DAPK1: variants seen among roughly 807,000 people sequenced by gnomAD.
DAPK1 encodes the protein death associated protein kinase 1, also known as death-associated protein kinase 1.
A neutral mutation model predicts 144.9 loss-of-function variants in DAPK1; 56 were observed. The observed-to-expected ratio is 0.39, with a 90% CI of 0.31 to 0.48. The LOEUF (loss-of-function observed/expected upper bound fraction) is 0.48, where lower values mean the gene tolerates loss of function less well. Among genes scored for constraint, DAPK1 ranks in the 20% least tolerant of loss-of-function variants. DAPK1 has a pLI of 0.95. For missense variants in DAPK1, 1,454 were observed against 1,875.4 expected (o/e 0.78, Z 4.15); for synonymous variants, 690 against 749.0 (o/e 0.92, Z 1.29).
intron 2 of DAPK1, among the ~76,000 whole-genome samples, chr9:87,526,881 T>C (rs1384730300): frequency 6.6e-6 from 1 of 152,204 alleles, no homozygotes; most frequent in East Asian, 1.9e-4. Context: ...TAAGGACTTC[T>C]CTGAAAACTC....
chr9:87,643,875 GC>G (rs1830181974), intron 11 of DAPK1, among the ~76,000 whole-genome samples: 1 of 152,126 alleles, frequency 6.6e-6, no homozygotes, highest in Non-Finnish European at 1.5e-5. Context: ...ATGAACTGTA[GC>G]CACTGACATA....
intron 3 of DAPK1, among the ~76,000 whole-genome samples, chr9:87,610,508 C>G (rs998596263): frequency 2.0e-5 from 3 of 152,228 alleles, no homozygotes; most frequent in African/African-American, 7.2e-5. Context: ...CCTCAGCAGC[C>G]CTGGCTTCTA....
At chr9:87,505,226 A>T (rs1824540912) in intron 2 of DAPK1, among the ~76,000 whole-genome samples, 1 of 152,232 alleles carries the variant, frequency 6.6e-6, no homozygotes, top group Non-Finnish European at 1.5e-5. Flanking sequence ...AACTGCCATG[A>T]GTACCTAACA....
At position 87,528,990 on chromosome 9, in the gene DAPK1, A is replaced by C. The variant is rs1056393282; in HGVS notation, c.62+29851A>C. ...TCAACTGGTAAGGGAAGAATGCTTCAAGGGAGCCATGTGTATGACTCCAGT... is the reference window on the plus strand; with the variant it reads ...TCAACTGGTAAGGGAAGAATGCTTCCAGGGAGCCATGTGTATGACTCCAGT... On this transcript the variant is annotated intron_variant, in intron 2 of 25. Coordinates refer to ENST00000408954, the MANE Select transcript of DAPK1 (RefSeq NM_004938.4). Among the ~76,000 whole-genome samples the C allele has an allele frequency of 5.9e-5, 9 of 152,106 alleles. No homozygotes were observed. In the East Asian group the frequency reaches 1.5e-3, roughly 26 times the overall value.
chr9:87,596,063 G>T (rs1828305810), intron 2 of DAPK1, among the ~76,000 whole-genome samples: 1 of 152,024 alleles, frequency 6.6e-6, no homozygotes, highest in African/African-American at 2.4e-5. Flanking sequence ...GGCAGAAAGA[G>T]AATAACTCCA....
chr9:87,558,244 A>G (rs1826788355), intron 2 of DAPK1, among the ~76,000 whole-genome samples: 1 of 152,096 alleles, frequency 6.6e-6, no homozygotes, highest in South Asian at 2.1e-4. Context: ...CACAGTGGGT[A>G]TGCATCTTGG....
intron 2 of DAPK1, among the ~76,000 whole-genome samples, chr9:87,586,171 C>G (rs181706672): frequency 6.6e-6 from 1 of 152,134 alleles, no homozygotes; most frequent in African/African-American, 2.4e-5. Flanking sequence ...ACCTGTAATC[C>G]CAGCTACTTG....
At chr9:87,595,064 A>G (rs906480393) in intron 2 of DAPK1, among the ~76,000 whole-genome samples, 2 of 152,258 alleles carry the variant, frequency 1.3e-5, no homozygotes, top group African/African-American at 4.8e-5. Flanking sequence ...CAAAGGAAAC[A>G]GTGAATATAG....
At chr9:87,612,646 G>A (rs545548220) in intron 3 of DAPK1, among the ~76,000 whole-genome samples, 1 of 152,198 alleles carries the variant, frequency 6.6e-6, no homozygotes, top group Non-Finnish European at 1.5e-5. Context: ...GAGCCTACTC[G>A]CATGTTGATC....
intron 2 of DAPK1, among the ~76,000 whole-genome samples, chr9:87,577,707 A>G (rs1213915865): frequency 6.6e-6 from 1 of 152,164 alleles, no homozygotes; most frequent in African/African-American, 2.4e-5. Context: ...CTGAGGCAGG[A>G]GAATTGCTTG....
intron 21 of DAPK1, among the ~76,000 whole-genome samples, chr9:87,696,134 T>G (rs1407450809): frequency 7.0e-6 from 1 of 143,034 alleles, no homozygotes; most frequent in Non-Finnish European, 1.5e-5. Flanking sequence ...CACCAATATT[T>G]GAGGGGGAGT....
At chr9:87,499,300 G>A (rs1329268091) in intron 2 of DAPK1, 161 bp downstream of exon 2, 12 of 674,302 alleles carry the variant, frequency 1.8e-5, no homozygotes, top group Non-Finnish European at 3.1e-5. Flanking sequence ...GCGGTAAACC[G>A]CCTGATCCAA....
At chr9:87,575,370 T>C (rs571227825) in intron 2 of DAPK1, among the ~76,000 whole-genome samples, 1 of 152,284 alleles carries the variant, frequency 6.6e-6, no homozygotes, top group Admixed American at 6.5e-5. Flanking sequence ...AGCAAAGAGC[T>C]TCACAATAAC....
chr9:87,626,435 A>G (rs1257889050), intron 3 of DAPK1, among the ~76,000 whole-genome samples: 1 of 113,382 alleles, frequency 8.8e-6, no homozygotes, highest in Non-Finnish European at 1.8e-5. Flanking sequence ...CAAACAAACA[A>G]ACAAAAAACA....
Position 87,497,955 on chromosome 9 carries a change from A to T in DAPK1, c.-261A>T. Reference sequence around the variant, plus strand: ...AGGGGACTCGGCAACTCGCAGCGGCAGGGTCTGGGGCCGGCGCCTGGGAGG... The same window carrying T: ...AGGGGACTCGGCAACTCGCAGCGGCTGGGTCTGGGGCCGGCGCCTGGGAGG... On this transcript the variant is annotated 5_prime_UTR_variant, in exon 1 of 26. Coordinates refer to ENST00000408954, the MANE Select transcript of DAPK1 (RefSeq NM_004938.4). 5.0e-6 allele frequency: 2 copies of T among 396,684 alleles called. No individual in the cohort carries two copies. The highest frequency in any genetic ancestry group is 1.4e-4 in the South Asian group (1 of 7,092). The allele number at this position is 396,684 out of a possible 1,614,324, so 24.6% of individuals were successfully genotyped here. A position where few individuals can be genotyped will look rare whatever the true frequency, so the allele number is the denominator to read the frequency against.
At chr9:87,567,937 A>C (rs1474981530) in intron 2 of DAPK1, among the ~76,000 whole-genome samples, 5 of 152,184 alleles carry the variant, frequency 3.3e-5, no homozygotes, top group African/African-American at 4.8e-5. Flanking sequence ...ACACCCCAAA[A>C]AGGCTGCCAC....
At chr9:87,592,674 G>A (rs1828179788) in intron 2 of DAPK1, among the ~76,000 whole-genome samples, 1 of 152,154 alleles carries the variant, frequency 6.6e-6, no homozygotes, top group South Asian at 2.1e-4. Context: ...TAAGCTGCAT[G>A]CTTGCTCGGA....
At chr9:87,662,467 T>C (rs543978778) in intron 18 of DAPK1, among the ~76,000 whole-genome samples, 1 of 152,174 alleles carries the variant, frequency 6.6e-6, no homozygotes, top group South Asian at 2.1e-4. Context: ...AGGATGTTTT[T>C]CCATTTGTTT....
intron 2 of DAPK1, among the ~76,000 whole-genome samples, chr9:87,586,053 C>T (rs1024471582): frequency 3.3e-5 from 5 of 152,118 alleles, no homozygotes; most frequent in Middle Eastern, 3.4e-3. Flanking sequence ...ATTGGGAGGC[C>T]GAGGCGAGCG....
Sources: allele counts gnomAD v4.1 joint callset (sites outside exome capture counted in the v4.1 genomes callset), GRCh38; gene constraint gnomAD v4.1.1; transcripts MANE v1.5; gene names NCBI Gene and HGNC (gene_info 2026-07-23, HGNC 2026-07-21).